Variants in DNAJC1 observed in about 807,000 individuals in gnomAD.
The protein encoded by DNAJC1 is DnaJ heat shock protein family (Hsp40) member C1, also known as dnaJ homolog subfamily C member 1.
A neutral mutation model predicts 76.6 loss-of-function variants in DNAJC1; 58 were observed. The observed-to-expected ratio is 0.76, with a 90% CI of 0.61 to 0.94. The LOEUF (loss-of-function observed/expected upper bound fraction) is 0.94. DNAJC1 is among the 40% of genes least tolerant of loss of function. The pLI is 0.00. For synonymous variants in DNAJC1, 258 were observed against 267.9 expected (o/e 0.96, Z 0.36); for missense variants, 689 against 677.3 (o/e 1.02, Z -0.19).
intron 7 of DNAJC1, among the ~76,000 whole-genome samples, chr10:21,900,000 A>G (rs559286529): frequency 8.5e-5 from 13 of 152,256 alleles, no homozygotes; most frequent in Non-Finnish European, 1.3e-4. Flanking sequence ...AACATGGTAG[A>G]CTTTGTAAAC....
At chr10:21,874,650 C>T (rs559794849) in intron 8 of DNAJC1, among the ~76,000 whole-genome samples, 1 of 152,148 alleles carries the variant, frequency 6.6e-6, no homozygotes, top group East Asian at 1.9e-4. Context: ...TTGCTAACTG[C>T]TAATAGATAT....
chr10:21,914,538 G>A (rs934859753), intron 6 of DNAJC1, among the ~76,000 whole-genome samples: 1 of 152,060 alleles, frequency 6.6e-6, no homozygotes, highest in African/African-American at 2.4e-5. Context: ...TGTCTTATCA[G>A]TTAACTTTAT....
chr10:22,003,593 G>T lies in DNAJC1; in HGVS notation c.-159C>A. ...AGGTGGCTGGCCCCAGACAGAGCGC[G>T]GAGGCGGCGGGAGCCGGCTGCCGGA... On this transcript the variant is annotated 5_prime_UTR_variant, in exon 1 of 12. Transcript: ENST00000376980. 1 of 879,198 alleles carries T rather than the reference G, an allele frequency of 1.1e-6. No homozygotes were observed. The highest frequency in any genetic ancestry group is 1.5e-6 in the Non-Finnish European group (1 of 664,098). The allele number at this position is 879,198 out of a possible 1,614,324, so 54.5% of individuals were successfully genotyped here.
At chr10:21,837,003 C>T (rs1724038141) in intron 8 of DNAJC1, among the ~76,000 whole-genome samples, 1 of 152,246 alleles carries the variant, frequency 6.6e-6, no homozygotes, top group South Asian at 2.1e-4. Flanking sequence ...CTCACTGCAA[C>T]CTCCCTGCCT....
In DNAJC1 at chr10:21,994,778, G is replaced by A. The variant is rs867508766; in HGVS notation, c.222+8435C>T. ...TGCACTCCAGCCTGGGTGACAAAGC[G>A]AGACTCTGTCTCAAAACAAACAAAC... On this transcript the variant is annotated intron_variant, in intron 1 of 11. Coordinates refer to ENST00000376980, the MANE Select transcript of DNAJC1 (RefSeq NM_022365.4). 3.3e-5 allele frequency among the ~76,000 whole-genome samples: 5 copies of A among 151,894 alleles called. No individual in the cohort carries two copies. The East Asian group carries it at 5.8e-4, about 18-fold the overall frequency.
intron 8 of DNAJC1, among the ~76,000 whole-genome samples, chr10:21,861,994 C>T (rs1009902983): frequency 1.3e-5 from 2 of 152,104 alleles, no homozygotes; most frequent in Non-Finnish European, 2.9e-5. Flanking sequence ...TCTTGGCTCA[C>T]CACAACCTCC....
At chr10:21,808,720 C>T (rs955381251) in intron 8 of DNAJC1, among the ~76,000 whole-genome samples, 3 of 152,222 alleles carry the variant, frequency 2.0e-5, no homozygotes, top group South Asian at 2.1e-4. Context: ...CTCTTCTAAT[C>T]TGGAGCCAAC....
chr10:21,984,157 C>T (rs938773648), intron 1 of DNAJC1, among the ~76,000 whole-genome samples: 39 of 152,184 alleles, frequency 2.6e-4, no homozygotes, highest in South Asian at 2.1e-4. Context: ...TTTGCTTTTA[C>T]ATAAAAAATT....
intron 8 of DNAJC1, among the ~76,000 whole-genome samples, chr10:21,813,074 TATATAC>T (rs1834997584): frequency 1.8e-5 from 2 of 113,880 alleles, no homozygotes; most frequent in South Asian, 6.4e-4. Context: ...TATATACATA[TATATAC>T]ATATATACAC....
chr10:21,863,747 C>G (rs1481899973), intron 8 of DNAJC1, among the ~76,000 whole-genome samples: 1 of 152,072 alleles, frequency 6.6e-6, no homozygotes, highest in Non-Finnish European at 1.5e-5. Context: ...AAAGACCACA[C>G]AATCATGCTA....
In DNAJC1 at chr10:21,920,797, C is replaced by A; in HGVS notation, c.537+1G>T. 1 of 1,606,066 alleles carries A rather than the reference C, an allele frequency of 6.2e-7. No individual in the cohort carries two copies. The highest frequency in any genetic ancestry group is 1.1e-5 in the South Asian group (1 of 89,716). On this transcript the variant is annotated splice_donor_variant, in intron 4 of 11. Transcript: ENST00000376980. LOFTEE classifies it high-confidence loss of function. The stretch of plus-strand genomic sequence containing the variant: ...TCATTTGATTTATTACTAACACTTA[C>A]CAGTTGTTTTTCCAGGTAGATTGAC...
chr10:21,893,098 A>G (rs1210415286), intron 7 of DNAJC1, among the ~76,000 whole-genome samples: 1 of 152,222 alleles, frequency 6.6e-6, no homozygotes, highest in Non-Finnish European at 1.5e-5. Flanking sequence ...CATGGAATAT[A>G]TGCCAAGATG....
chr10:21,918,958 C>G, intron 5 of DNAJC1, 86 bp from the exon 6 acceptor site: 2 of 913,726 alleles, frequency 2.2e-6, no homozygotes, highest in Non-Finnish European at 1.7e-6. Flanking sequence ...CTATAAAGAT[C>G]ATGAATTCTT....
intron 8 of DNAJC1, among the ~76,000 whole-genome samples, chr10:21,838,983 C>A (rs191956375): frequency 6.6e-6 from 1 of 152,180 alleles, no homozygotes; most frequent in Non-Finnish European, 1.5e-5. Context: ...AACTGAACAA[C>A]CTGCTCCTGA....
intron 9 of DNAJC1, among the ~76,000 whole-genome samples, chr10:21,779,767 G>C (rs1246530739): frequency 2.0e-5 from 3 of 152,210 alleles, no homozygotes; most frequent in African/African-American, 7.2e-5. Context: ...TGAGTTGAGA[G>C]AAGAAGGCTT....
chr10:21,864,957 T>C (rs1835974456), intron 8 of DNAJC1, among the ~76,000 whole-genome samples: 1 of 152,048 alleles, frequency 6.6e-6, no homozygotes, highest in African/African-American at 2.4e-5. Context: ...GGAAAACACA[T>C]GAAAAGATGC....
At chr10:21,756,929 G>A (rs1834182297) in intron 11 of DNAJC1, among the ~76,000 whole-genome samples, 174 bp from the exon 12 acceptor site, 1 of 152,224 alleles carries the variant, frequency 6.6e-6, no homozygotes, top group Non-Finnish European at 1.5e-5. Context: ...GGTCTGGGCA[G>A]TGCGAGAAGG....
chr10:21,904,689 T>A, intron 6 of DNAJC1, 77 bp from the exon 7 acceptor site: 1 of 833,774 alleles, frequency 1.2e-6, no homozygotes, highest in Non-Finnish European at 1.8e-6. Flanking sequence ...AACTTAACTT[T>A]AAAGCATTAT....
chr10:21,936,985 T>C (rs555652603), intron 1 of DNAJC1, among the ~76,000 whole-genome samples: 1 of 152,292 alleles, frequency 6.6e-6, no homozygotes, highest in South Asian at 2.1e-4. Context: ...AATGCAGATA[T>C]TGGCAGAATG....
Sources: allele counts gnomAD v4.1 joint callset (sites outside exome capture counted in the v4.1 genomes callset), GRCh38; gene constraint gnomAD v4.1.1; transcripts MANE v1.5; gene names NCBI Gene and HGNC (gene_info 2026-07-23, HGNC 2026-07-21).